Variants in SMAD9 observed in about 807,000 individuals in gnomAD.
SMAD9 encodes MAD homolog 9.
SMAD9 carries 36 observed loss-of-function variants against 46.1 expected under a neutral mutation model. That is an observed-to-expected ratio of 0.78 (90% confidence interval 0.60 to 1.03). The LOEUF is 1.03. Ranked by LOEUF, SMAD9 falls within the 50% of genes least tolerant of loss-of-function variation. SMAD9 has a pLI of 0.00. For missense variants in SMAD9, 572 were observed against 599.8 expected (o/e 0.95, Z 0.48); for synonymous variants, 245 against 237.1 (o/e 1.03, Z -0.31).
At chr13:36,868,953 C>T (rs1250412620) in intron 3 of SMAD9, among the ~76,000 whole-genome samples, 2 of 151,422 alleles carry the variant, frequency 1.3e-5, no homozygotes, top group South Asian at 2.1e-4. Context: ...GATGAACTAC[C>T]GATATATGCC....
At chr13:36,866,505 T>A (rs1196759612) in intron 4 of SMAD9, among the ~76,000 whole-genome samples, 2 of 152,202 alleles carry the variant, frequency 1.3e-5, no homozygotes, top group Non-Finnish European at 1.5e-5. Context: ...TTCTAGTGAT[T>A]GTATTACCTT....
chr13:36,853,679 C>A lies in SMAD9; in HGVS notation c.1004-4G>T. On this transcript the variant is annotated splice_polypyrimidine_tract_variant and splice_region_variant and intron_variant, in intron 5 of 6. Coordinates refer to ENST00000379826, the MANE Select transcript of SMAD9 (RefSeq NM_001127217.3). Reference sequence around the variant, plus strand: ...CCGACGTAGTACAAGTGCACACCTGCAGACACAAAAACACAGCCTTCCTTC... The same window carrying A: ...CCGACGTAGTACAAGTGCACACCTGAAGACACAAAAACACAGCCTTCCTTC... 6.2e-7 allele frequency: 1 copy of A among 1,613,924 alleles called. No homozygotes were observed. The highest frequency in any genetic ancestry group is 8.5e-7 in the Non-Finnish European group (1 of 1,180,014).
intron 1 of SMAD9, among the ~76,000 whole-genome samples, chr13:36,898,364 C>T (rs978880306): frequency 2.0e-5 from 3 of 152,106 alleles, no homozygotes; most frequent in Non-Finnish European, 2.9e-5. Flanking sequence ...AGAAATTATA[C>T]ACCTACTCTT....
At chr13:36,866,136 G>A (rs917040846) in intron 4 of SMAD9, among the ~76,000 whole-genome samples, 3 of 152,156 alleles carry the variant, frequency 2.0e-5, no homozygotes, top group African/African-American at 4.8e-5. Flanking sequence ...AGAAACATGT[G>A]AAAGATGGCA....
At chr13:36,880,124 G>A (rs1378426056) in intron 1 of SMAD9, among the ~76,000 whole-genome samples, 1 of 152,182 alleles carries the variant, frequency 6.6e-6, no homozygotes, top group Non-Finnish European at 1.5e-5. Context: ...CTTTGACTCT[G>A]CCCTCTCCTG....
In SMAD9 at chr13:36,852,185, A is replaced by G. The variant is rs1217883579; in HGVS notation, c.1260+1234T>C. The G allele has an allele frequency of 5.8e-6, 5 of 855,988 alleles. No individual in the cohort carries two copies. The African/African-American group carries it at 9.2e-5, about 16-fold the overall frequency. 53.0% of individuals were successfully genotyped at this position (855,988 alleles called of 1,614,324 possible). On this transcript the variant is annotated intron_variant, in intron 6 of 6. Coordinates refer to ENST00000379826, the MANE Select transcript of SMAD9 (RefSeq NM_001127217.3). The stretch of plus-strand genomic sequence containing the variant: ...AAACTATATTGTTCTTACTTTTTAA[A>G]TAATTACTAAAGTGATAATAAAAAC...
intron 2 of SMAD9, among the ~76,000 whole-genome samples, chr13:36,874,897 ATATG>A (rs71084452): frequency 3.5e-5 from 5 of 141,894 alleles, no homozygotes; most frequent in South Asian, 2.2e-4. Flanking sequence ...ATATATATGT[ATATG>A]TATGTATGTA....
intron 6 of SMAD9, among the ~76,000 whole-genome samples, chr13:36,850,993 G>A (rs1328223057): frequency 2.0e-5 from 3 of 152,106 alleles, no homozygotes; most frequent in South Asian, 2.1e-4. Flanking sequence ...AGGTGGGGGC[G>A]ACTCTCACCT....
chr13:36,882,287 G>A (rs984753341), intron 1 of SMAD9, among the ~76,000 whole-genome samples: 1 of 151,086 alleles, frequency 6.6e-6, no homozygotes. Flanking sequence ...TGTGTCCAGG[G>A]TTACAATGGA....
chr13:36,864,152 T>C (rs758117624), intron 5 of SMAD9, among the ~76,000 whole-genome samples: 20 of 152,240 alleles, frequency 1.3e-4, no homozygotes, highest in African/African-American at 2.4e-4. Context: ...AGTAAAGCCA[T>C]GCTCAAGAAA....
At chr13:36,867,812 A>C (rs2058250645) in intron 3 of SMAD9, among the ~76,000 whole-genome samples, 1 of 152,284 alleles carries the variant, frequency 6.6e-6, no homozygotes, top group Middle Eastern at 3.4e-3. Flanking sequence ...GGGACGCTCT[A>C]TCCCTGAGAT....
intron 1 of SMAD9, among the ~76,000 whole-genome samples, chr13:36,916,013 A>G (rs2138720357): frequency 6.6e-6 from 1 of 152,334 alleles, no homozygotes; most frequent in South Asian, 2.1e-4. Flanking sequence ...GAGAGTTAGT[A>G]TTGTTCGATA....
rs900040342 is a variant in SMAD9 at position 36,867,255 on chromosome 13, T to C, written c.781+18A>G. 4.9e-5 allele frequency: 71 copies of C among 1,439,372 alleles called. No individual in the cohort carries two copies. Among genetic ancestry groups the C allele is most frequent in the Admixed American group, 1.2e-4 (6 of 50,830 alleles). 89.2% of individuals were successfully genotyped at this position (1,439,372 alleles called of 1,614,324 possible). A position where few individuals can be genotyped will look rare whatever the true frequency, so the allele number is the denominator to read the frequency against. ...CTTTTGGAAAATAGCTACATTTCAC[T>C]GTTCATCTGCAATTTACCTCCATTT... On this transcript the variant is annotated intron_variant, in intron 4 of 6. Transcript: ENST00000379826.
At chr13:36,894,165 G>C (rs1335752704) in intron 1 of SMAD9, among the ~76,000 whole-genome samples, 2 of 152,160 alleles carry the variant, frequency 1.3e-5, no homozygotes. Context: ...GTTTGATACG[G>C]TTTGGCTGCA....
At chr13:36,890,604 T>C (rs1469255386) in intron 1 of SMAD9, among the ~76,000 whole-genome samples, 1 of 152,240 alleles carries the variant, frequency 6.6e-6, no homozygotes, top group African/African-American at 2.4e-5. Context: ...ATATTTCTCT[T>C]TGTTTAAAGT....
At chr13:36,849,167 G>C (rs2058055429) in intron 6 of SMAD9, among the ~76,000 whole-genome samples, 1 of 152,140 alleles carries the variant, frequency 6.6e-6, no homozygotes, top group African/African-American at 2.4e-5. Flanking sequence ...CCAGGACAGT[G>C]TCTTGCACAA....
intron 5 of SMAD9, among the ~76,000 whole-genome samples, chr13:36,855,527 T>C (rs1428270375): frequency 6.6e-6 from 1 of 152,210 alleles, no homozygotes; most frequent in Admixed American, 6.5e-5. Context: ...ATGATCACTA[T>C]GCAGTTATAA....
chr13:36,899,902 C>T (rs983732586), intron 1 of SMAD9, among the ~76,000 whole-genome samples: 2 of 152,190 alleles, frequency 1.3e-5, no homozygotes, highest in Non-Finnish European at 2.9e-5. Context: ...CCAATTAAAA[C>T]ATAAGTCAGG....
At chr13:36,900,743 T>C (rs1318485288) in intron 1 of SMAD9, among the ~76,000 whole-genome samples, 1 of 150,794 alleles carries the variant, frequency 6.6e-6, no homozygotes, top group East Asian at 1.9e-4. Flanking sequence ...GTAAATTATT[T>C]TACTTATTTT....
Sources: allele counts gnomAD v4.1 joint callset (sites outside exome capture counted in the v4.1 genomes callset), GRCh38; gene constraint gnomAD v4.1.1; transcripts MANE v1.5; gene names NCBI Gene and HGNC (gene_info 2026-07-23, HGNC 2026-07-21).